KCNQ1: variants seen among roughly 807,000 people sequenced by gnomAD.
KCNQ1 encodes the protein potassium voltage-gated channel subfamily Q member 1, also known as potassium voltage-gated channel subfamily KQT member 1.
KCNQ1 carries 49 observed loss-of-function variants against 72.4 expected under a neutral mutation model. That is an observed-to-expected ratio of 0.68 (90% CI 0.54 to 0.86). The LOEUF is 0.86. Ranked by LOEUF, KCNQ1 falls within the 40% of genes least tolerant of loss-of-function variation. KCNQ1 has a pLI of 0.00. For synonymous variants in KCNQ1, 450 were observed against 412.6 expected (o/e 1.09, Z -1.10); for missense variants, 790 against 945.1 (o/e 0.84, Z 2.15).
At chr11:2,496,514 T>TTTTTTTTTTTG (rs1298578436) in intron 1 of KCNQ1, among the ~76,000 whole-genome samples, 1 of 127,656 alleles carries the variant, frequency 7.8e-6, no homozygotes, top group African/African-American at 2.9e-5. Flanking sequence ...TTTTTTTTTT[T>TTTTTTTTTTTG]TTTTTTGCTT....
chr11:2,692,997 T>TA (rs1469484803), intron 11 of KCNQ1: 2 of 398,434 alleles, frequency 5.0e-6, no homozygotes, highest in Non-Finnish European at 4.4e-6. Context: ...AGAAGCCTCA[T>TA]AAGCAAGCAC....
chr11:2,554,764 G>A (rs1848043018), intron 2 of KCNQ1, among the ~76,000 whole-genome samples: 1 of 152,216 alleles, frequency 6.6e-6, no homozygotes, highest in East Asian at 1.9e-4. Context: ...CCCGTTTACT[G>A]TGTAAACTTC....
rs776526403 is a variant in KCNQ1 at position 2,564,857 on chromosome 11, A to G, written c.478-5771A>G. 2.0e-5 allele frequency among the ~76,000 whole-genome samples: 3 copies of G among 152,196 alleles called. No individual in the cohort carries two copies. The highest frequency in any genetic ancestry group is 2.9e-5 in the Non-Finnish European group (2 of 68,052). ...ATAGTATTTGTCCTTGTGTAACTGG[A>G]TCATTTCACTGAGAGTAATGTCTTC... On this transcript the variant is annotated intron_variant, in intron 2 of 15. Transcript: ENST00000155840. The surrounding 1 kb of genome is among the most constrained non-coding windows in gnomAD (Gnocchi z 4.5).
intron 11 of KCNQ1, among the ~76,000 whole-genome samples, chr11:2,742,979 GT>G (rs1028193653): frequency 5.9e-5 from 9 of 152,214 alleles, no homozygotes; most frequent in African/African-American, 1.7e-4. Context: ...AGTGCAGGTG[GT>G]TTGTTCTTGC....
intron 10 of KCNQ1, chr11:2,622,349 T>G (rs192678367): frequency 2.5e-6 from 1 of 398,358 alleles, no homozygotes; most frequent in East Asian, 3.6e-5. Context: ...TTATTTCTTT[T>G]ATTAGTATAA....
chr11:2,517,063 C>T (rs1847299914), intron 1 of KCNQ1, among the ~76,000 whole-genome samples: 1 of 152,196 alleles, frequency 6.6e-6, no homozygotes, highest in Non-Finnish European at 1.5e-5. Context: ...GGGATCAGGG[C>T]CCAGGCTCCA....
In KCNQ1 at chr11:2,507,733, G is replaced by A. The variant is rs1847127947; in HGVS notation, c.387-20195G>A. Among the ~76,000 whole-genome samples, 1 of 152,112 alleles carries A rather than the reference G, an allele frequency of 6.6e-6. No individual in the cohort carries two copies. Among genetic ancestry groups the A allele is most frequent in the Non-Finnish European group, 1.5e-5 (1 of 68,018 alleles). ...CACAAGTTAGGGGAGGTGTCAGTGTGTAAATGACATGAGCGCAGGGGCTAG... is the reference window on the plus strand; with the variant it reads ...CACAAGTTAGGGGAGGTGTCAGTGTATAAATGACATGAGCGCAGGGGCTAG... On this transcript the variant is annotated intron_variant, in intron 1 of 15. Coordinates refer to ENST00000155840, the MANE Select transcript of KCNQ1 (RefSeq NM_000218.3). This position sits in a 1 kb window ranked among gnomAD's most constrained non-coding sequence, Gnocchi z 5.4.
rs536888865 is a variant in KCNQ1 at position 2,466,138 on chromosome 11, G to T, written c.386+20654G>T. Among the ~76,000 whole-genome samples the T allele has an allele frequency of 4.6e-5, 7 of 152,356 alleles. No individual in the cohort carries two copies. In the East Asian group the frequency reaches 1.4e-3, roughly 29 times the overall value. ...GAGTTTTCCTGAGGCTTTGCCTAGG[G>T]AGTGTCGCTGAGGAAGCTGGAACAG... On this transcript the variant is annotated intron_variant, in intron 1 of 15. Coordinates refer to ENST00000155840, the MANE Select transcript of KCNQ1 (RefSeq NM_000218.3).
chr11:2,780,533 CT>C (rs1467040655), intron 15 of KCNQ1, among the ~76,000 whole-genome samples: 1 of 152,224 alleles, frequency 6.6e-6, no homozygotes, highest in Admixed American at 6.5e-5. Flanking sequence ...GTCTGGCTGC[CT>C]GCCGGAAGGG....
At chr11:2,606,892 ATTTTTTTTT>A (rs869121696) in intron 10 of KCNQ1, among the ~76,000 whole-genome samples, 8 of 82,768 alleles carry the variant, frequency 9.7e-5, no homozygotes, top group African/African-American at 4.2e-4. Context: ...ATTATCTGTG[ATTTTTTTTT>A]TTTTTTTTTT....
In KCNQ1 at chr11:2,536,315, C is replaced by T. The variant is rs1847731004; in HGVS notation, c.477+8297C>T. ...GGTGATAAACACACCATCCGCACTG[C>T]CTGCGGCTCTTACAGGAGTCTCTCG... On this transcript the variant is annotated intron_variant, in intron 2 of 15. Transcript: ENST00000155840. This position sits in a 1 kb window ranked among gnomAD's most constrained non-coding sequence, Gnocchi z 7.4. 6.6e-6 allele frequency among the ~76,000 whole-genome samples: 1 copy of T among 152,210 alleles called. No homozygotes were observed. Among genetic ancestry groups the T allele is most frequent in the Admixed American group, 6.5e-5 (1 of 15,288 alleles).
intron 1 of KCNQ1, among the ~76,000 whole-genome samples, chr11:2,466,072 C>T (rs371856178): frequency 6.6e-6 from 1 of 152,228 alleles, no homozygotes; most frequent in African/African-American, 2.4e-5. Flanking sequence ...CTGTCCTAGC[C>T]GGGACCTGCC....
intron 10 of KCNQ1, chr11:2,625,763 G>T (rs973109675): frequency 2.5e-6 from 1 of 397,568 alleles, no homozygotes; most frequent in African/African-American, 2.1e-5. Flanking sequence ...TAGAGACGGG[G>T]TTTCACCCTG....
chr11:2,728,341 C>T lies in KCNQ1; in HGVS notation c.1515-40503C>T, dbSNP rs560916907. Among the ~76,000 whole-genome samples, 4 of 152,362 alleles carry T rather than the reference C, an allele frequency of 2.6e-5. No homozygotes were observed. In the East Asian group the frequency reaches 7.7e-4, roughly 29 times the overall value. ...CAGGACTCTTGTTCACAGTGCTATG[C>T]CTGACCCGGCGCCAGCCCTCAGGGG... On this transcript the variant is annotated intron_variant, in intron 11 of 15. Coordinates refer to ENST00000155840, the MANE Select transcript of KCNQ1 (RefSeq NM_000218.3).
chr11:2,615,370 G>A (rs892534718), intron 10 of KCNQ1: 6 of 397,762 alleles, frequency 1.5e-5, no homozygotes, highest in Non-Finnish European at 2.7e-5. Flanking sequence ...TTTCCAATTT[G>A]GATGCTATTC....
In KCNQ1 at chr11:2,547,499, GCTGGGAT is replaced by G. The variant is rs550012187; in HGVS notation, c.477+19483_477+19489del. On this transcript the variant is annotated intron_variant, in intron 2 of 15. Transcript: ENST00000155840. The surrounding 1 kb of genome is among the most constrained non-coding windows in gnomAD (Gnocchi z 4.2). Reference sequence around the variant, plus strand: ...TCTGCCCGCCTCAGCCTCCCAAAGTGCTGGGATCACAGGCATGAGCCACCGTGCCCAG... The same window carrying G: ...TCTGCCCGCCTCAGCCTCCCAAAGTGCACAGGCATGAGCCACCGTGCCCAG... Among the ~76,000 whole-genome samples the G allele has an allele frequency of 5.5e-4, 84 of 152,308 alleles. No homozygotes were observed. Among genetic ancestry groups the G allele is most frequent in the African/African-American group, 1.9e-3 (80 of 41,548 alleles).
chr11:2,474,050 C>T (rs1367345547), intron 1 of KCNQ1, among the ~76,000 whole-genome samples: 3 of 152,262 alleles, frequency 2.0e-5, no homozygotes, highest in African/African-American at 7.2e-5. Flanking sequence ...CAGCCTCCTA[C>T]CGCTGGCCCA....
At chr11:2,461,167 T>C (rs1012503084) in intron 1 of KCNQ1, among the ~76,000 whole-genome samples, 2 of 152,278 alleles carry the variant, frequency 1.3e-5, no homozygotes, top group Admixed American at 1.3e-4. Flanking sequence ...TGGAACTCGG[T>C]GTCCGACCTG....
chr11:2,579,355 G>T lies in KCNQ1; in HGVS notation c.922-4080G>T, dbSNP rs1456627841. Among the ~76,000 whole-genome samples the T allele has an allele frequency of 6.6e-6, 1 of 152,322 alleles. No homozygotes were observed. The highest frequency in any genetic ancestry group is 6.5e-5 in the Admixed American group (1 of 15,310). On this transcript the variant is annotated intron_variant, in intron 6 of 15. Transcript: ENST00000155840. This position sits in a 1 kb window ranked among gnomAD's most constrained non-coding sequence, Gnocchi z 6.0. ...GGGGAAACACACTGACCAGTGGGGTGTGCGTTCCCCGCTCGCCCCCACAGT... is the reference window on the plus strand; with the variant it reads ...GGGGAAACACACTGACCAGTGGGGTTTGCGTTCCCCGCTCGCCCCCACAGT...
Sources: gnomAD v4.1 joint callset for allele counts (sites outside exome capture counted in the v4.1 genomes callset) on GRCh38, gnomAD v4.1.1 for gene constraint, Gnocchi (gnomAD v3.1) non-coding constraint, MANE v1.5 for transcripts, NCBI Gene and HGNC (gene_info 2026-07-23, HGNC 2026-07-21) for gene names.